Variants in RYR3 observed in about 807,000 individuals in gnomAD.
The protein encoded by RYR3 is ryanodine receptor 3.
Under a neutral mutation model 584.3 loss-of-function variants are expected in RYR3, and 207 were observed. The ratio of observed to expected loss-of-function variants is 0.35; its 90% CI spans 0.32 to 0.40. RYR3 has a LOEUF of 0.40. RYR3 is among the 10% of genes least tolerant of loss of function. The pLI, the probability that RYR3 is intolerant of heterozygous loss-of-function variation, is 1.00. For missense variants in RYR3, 5,616 were observed against 6,089.2 expected, an observed-to-expected ratio of 0.92 and a Z score of 2.59; for synonymous variants, 2,416 against 2,248.5, an observed-to-expected ratio of 1.07 and a Z score of -2.11.
At chr15:33,651,323 C>T (rs907511427) in intron 31 of RYR3, among the ~76,000 whole-genome samples, 4 of 152,220 alleles carry the variant, frequency 2.6e-5, no homozygotes, top group African/African-American at 9.7e-5. Flanking sequence ...TATTAGTCAT[C>T]AGTATGGTTA....
chr15:33,838,937 AC>A lies in RYR3; in HGVS notation c.12958del (p.Gln4320ArgfsTer11). 1 of 1,610,562 alleles carries A rather than the reference AC, an allele frequency of 6.2e-7. No individual in the cohort carries two copies. The highest frequency in any genetic ancestry group is 8.5e-7 in the Non-Finnish European group (1 of 1,178,646). On this transcript the variant is annotated frameshift_variant, in exon 89 of 104. Transcript: ENST00000634891. LOFTEE classifies it high-confidence loss of function. ...DEPPTLESTV[Q>X]KKRKAQAAEM... ...AACCCCCTACATTAGAGAGTACTGT[AC>A]AGAAGAAGAGGAAAGCTCAGGTAAG...
chr15:33,851,000 C>T (rs78329162), intron 94 of RYR3: 2 of 152,132 alleles, frequency 1.3e-5, no homozygotes, highest in African/African-American at 4.8e-5. Context: ...TGGAATTATA[C>T]TATATACATT....
intron 1 of RYR3, among the ~76,000 whole-genome samples, chr15:33,428,558 C>A (rs754662106): frequency 6.6e-6 from 1 of 152,150 alleles, no homozygotes; most frequent in Non-Finnish European, 1.5e-5. Context: ...TAAATACCCA[C>A]GTGGAAACAA....
intron 20 of RYR3, among the ~76,000 whole-genome samples, chr15:33,625,514 T>C (rs946625222): frequency 2.0e-5 from 3 of 152,190 alleles, no homozygotes; most frequent in African/African-American, 7.2e-5. Flanking sequence ...GGAAAAACTT[T>C]TCTTCTACCC....
At chr15:33,713,906 T>C (rs77905060) in intron 43 of RYR3, among the ~76,000 whole-genome samples, 12,114 of 152,062 alleles carry the variant, frequency 0.08, 1,033 homozygotes, top group African/African-American at 0.22. Flanking sequence ...CTTAATTACC[T>C]ACCAAAGGCC....
At chr15:33,417,473 T>C (rs935803985) in intron 1 of RYR3, among the ~76,000 whole-genome samples, 1 of 152,114 alleles carries the variant, frequency 6.6e-6, no homozygotes, top group Non-Finnish European at 1.5e-5. Context: ...GTATCATCTA[T>C]TTGGTTTTCA....
rs752846417 is a variant in RYR3 at position 33,548,165 on chromosome 15, G to A, written c.776G>A (p.Arg259Gln). 2.3e-4 allele frequency: 367 copies of A among 1,612,666 alleles called. No individual in the cohort carries two copies. Among genetic ancestry groups the A allele is most frequent in the Non-Finnish European group, 3.0e-4 (353 of 1,179,414 alleles). The change falls in exon 9 of 104, where the codon CGA becomes CAA. Residue 259 changes from arginine (R) to glutamine (Q), a missense_variant. Transcript: ENST00000634891. ...IFYEAGGAGT[R>Q]ARSLWRVEPL... ...TACGAAGCTGGGGGAGCTGGGACTC[G>A]AGCCAGGTCTCTTTGGAGAGTGGAA...
At chr15:33,653,092 G>T (rs868466200) in intron 32 of RYR3, among the ~76,000 whole-genome samples, 2 of 152,326 alleles carry the variant, frequency 1.3e-5, no homozygotes, top group South Asian at 4.1e-4. Context: ...CATAGTTATT[G>T]GTTGATCCAA....
chr15:33,641,119 A>C (rs1246028820), intron 27 of RYR3, among the ~76,000 whole-genome samples: 1 of 152,212 alleles, frequency 6.6e-6, no homozygotes, highest in Non-Finnish European at 1.5e-5. Context: ...CAAACAGGTG[A>C]ACTCCCTGAC....
intron 3 of RYR3, among the ~76,000 whole-genome samples, chr15:33,525,371 T>C (rs565589949): frequency 6.6e-6 from 1 of 152,358 alleles, no homozygotes; most frequent in East Asian, 1.9e-4. Flanking sequence ...CCTTGGTTCT[T>C]TTCAGAATAA....
At chr15:33,584,322 G>T in intron 14 of RYR3, 73 bp from the exon 15 acceptor site, 1 of 767,952 alleles carries the variant, frequency 1.3e-6, no homozygotes, top group South Asian at 1.7e-5. Context: ...TGAAATATTC[G>T]ACAGCTTTCC....
At chr15:33,734,397 C>A (rs2069225590) in intron 48 of RYR3, among the ~76,000 whole-genome samples, 1 of 152,174 alleles carries the variant, frequency 6.6e-6, no homozygotes, top group African/African-American at 2.4e-5. Context: ...TTTTTATGAG[C>A]CTCTATTTTC....
intron 67 of RYR3, among the ~76,000 whole-genome samples, chr15:33,792,833 AT>A (rs1431118916): frequency 6.6e-6 from 1 of 152,176 alleles, no homozygotes; most frequent in Non-Finnish European, 1.5e-5. Flanking sequence ...CTGTAACCAA[AT>A]ATGTGTCAGT....
At chr15:33,629,631 T>C (rs1054183839) in intron 21 of RYR3, among the ~76,000 whole-genome samples, 2 of 152,220 alleles carry the variant, frequency 1.3e-5, no homozygotes, top group Non-Finnish European at 2.9e-5. Flanking sequence ...AGAAACGTTA[T>C]GGTTACATGA....
At chr15:33,842,483 C>T (rs1381825283) in intron 91 of RYR3, among the ~76,000 whole-genome samples, 3 of 152,218 alleles carry the variant, frequency 2.0e-5, no homozygotes, top group African/African-American at 4.8e-5. Flanking sequence ...CTTAGAACAG[C>T]TTGTAATATT....
intron 27 of RYR3, among the ~76,000 whole-genome samples, chr15:33,641,112 A>G (rs1231311384): frequency 6.6e-6 from 1 of 152,196 alleles, no homozygotes; most frequent in Non-Finnish European, 1.5e-5. Context: ...CTAGAGACAA[A>G]CAGGTGAACT....
In RYR3 at chr15:33,789,116, G is replaced by A. The variant is rs73383318; in HGVS notation, c.9830+658G>A. Among the ~76,000 whole-genome samples, 1,334 of 152,088 alleles carry A rather than the reference G, an allele frequency of 8.8e-3. 23 individuals carry two copies. The highest frequency in any genetic ancestry group is 0.029 in the African/African-American group (1,195 of 41,482). On this transcript the variant is annotated intron_variant, in intron 67 of 103. Transcript: ENST00000634891. ...GGTGCAGGCACCAAGAAAAAAGTGCGTTTGGGATGTTCAAGGGACCAAAAG... is the reference window on the plus strand; with the variant it reads ...GGTGCAGGCACCAAGAAAAAAGTGCATTTGGGATGTTCAAGGGACCAAAAG...
intron 1 of RYR3, among the ~76,000 whole-genome samples, chr15:33,422,966 A>T (rs1316196747): frequency 1.3e-5 from 2 of 152,140 alleles, no homozygotes; most frequent in East Asian, 3.8e-4. Flanking sequence ...TAGTGTTTTT[A>T]TTTTGCTTCA....
chr15:33,639,442 A>G (rs1188556899), intron 27 of RYR3, among the ~76,000 whole-genome samples: 2 of 152,226 alleles, frequency 1.3e-5, no homozygotes, highest in Non-Finnish European at 2.9e-5. Context: ...TGGAATAACC[A>G]CATAGCATCT....
Sources: gnomAD v4.1 joint callset for allele counts (sites outside exome capture counted in the v4.1 genomes callset) on GRCh38, gnomAD v4.1.1 for gene constraint, MANE v1.5 for transcripts, NCBI Gene and HGNC (gene_info 2026-07-23, HGNC 2026-07-21) for gene names.